SIK2: variants seen among roughly 807,000 people sequenced by gnomAD.
The protein encoded by SIK2 is salt inducible kinase 2.
In SIK2, 29 loss-of-function variants were observed where a neutral mutation model predicts 103.2. The ratio of observed to expected loss-of-function variants is 0.28; its 90% CI spans 0.21 to 0.38. The LOEUF is 0.38. Among genes scored for constraint, SIK2 ranks in the 10% least tolerant of loss-of-function variants. The pLI is 1.00. For missense variants in SIK2, 879 were observed against 1,171.0 expected, an observed-to-expected ratio of 0.75 and a Z score of 3.64; for synonymous variants, 412 against 446.1, an observed-to-expected ratio of 0.92 and a Z score of 0.96.
intron 8 of SIK2, among the ~76,000 whole-genome samples, chr11:111,711,242 C>T (rs1056369201): frequency 6.6e-6 from 1 of 151,984 alleles, no homozygotes; most frequent in Non-Finnish European, 1.5e-5. Context: ...CCTCAGCCTC[C>T]CAAGTAGCTG....
At chr11:111,615,529 G>A (rs1042705263) in intron 1 of SIK2, among the ~76,000 whole-genome samples, 3 of 152,022 alleles carry the variant, frequency 2.0e-5, no homozygotes, top group Non-Finnish European at 4.4e-5. Context: ...AAAAATGTGT[G>A]TAATCATTGA....
intron 3 of SIK2, among the ~76,000 whole-genome samples, chr11:111,651,809 G>C (rs892712058): frequency 1.3e-5 from 2 of 152,180 alleles, no homozygotes; most frequent in African/African-American, 2.4e-5. Flanking sequence ...TTTTGCTACA[G>C]CGTAAGTTGC....
At chr11:111,608,766 A>C (rs1431969073) in intron 1 of SIK2, among the ~76,000 whole-genome samples, 3 of 152,150 alleles carry the variant, frequency 2.0e-5, no homozygotes. Flanking sequence ...ATCCCTCTAC[A>C]TACATCTTTG....
At chr11:111,651,783 A>T (rs1314252047) in intron 3 of SIK2, among the ~76,000 whole-genome samples, 2 of 152,184 alleles carry the variant, frequency 1.3e-5, no homozygotes. Context: ...CTATGGCAAG[A>T]ACTCCATTTT....
At chr11:111,716,361 G>T (rs1382918793) in intron 9 of SIK2, among the ~76,000 whole-genome samples, 2 of 152,038 alleles carry the variant, frequency 1.3e-5, no homozygotes. Flanking sequence ...TGGATCACCT[G>T]AGGTCAGGAG....
chr11:111,685,169 G>T (rs575616014), intron 3 of SIK2, among the ~76,000 whole-genome samples: 56 of 152,338 alleles, frequency 3.7e-4, no homozygotes, highest in African/African-American at 1.3e-3. Context: ...TTCCCAGGTT[G>T]GGGAGGATGA....
At chr11:111,696,021 T>C (rs1246141617) in intron 4 of SIK2, among the ~76,000 whole-genome samples, 3 of 152,228 alleles carry the variant, frequency 2.0e-5, no homozygotes, top group African/African-American at 7.2e-5. Flanking sequence ...ATATCCTTGG[T>C]CTGCTGCGGC....
chr11:111,603,193 C>T lies in SIK2; in HGVS notation c.135+495C>T, dbSNP rs1046595975. ...GGGGATCGTGCGGCCCCCGTGACCC[C>T]GGCGCCCCTCCCCTGCCCGACGAGG... On this transcript the variant is annotated intron_variant, in intron 1 of 14. Transcript: ENST00000304987. 5.9e-5 allele frequency among the ~76,000 whole-genome samples: 9 copies of T among 152,266 alleles called. No individual in the cohort carries two copies. In the South Asian group the frequency reaches 1.2e-3, roughly 21 times the overall value.
chr11:111,675,018 G>A (rs1442085044), intron 3 of SIK2, among the ~76,000 whole-genome samples: 1 of 152,162 alleles, frequency 6.6e-6, no homozygotes, highest in Non-Finnish European at 1.5e-5. Context: ...CCAAAGTGCT[G>A]GGACTACAGG....
chr11:111,605,574 A>C (rs1941639292), intron 1 of SIK2, among the ~76,000 whole-genome samples: 1 of 152,194 alleles, frequency 6.6e-6, no homozygotes, highest in African/African-American at 2.4e-5. Context: ...CATCGATACA[A>C]GTTTGTGTGT....
chr11:111,686,966 A>G (rs1429520134), intron 3 of SIK2, among the ~76,000 whole-genome samples: 3 of 152,352 alleles, frequency 2.0e-5, no homozygotes, highest in Non-Finnish European at 4.4e-5. Context: ...GGTGGTTTGT[A>G]TAATAATTGC....
chr11:111,658,460 C>T (rs1188452480), intron 3 of SIK2, among the ~76,000 whole-genome samples: 3 of 151,796 alleles, frequency 2.0e-5, no homozygotes, highest in Non-Finnish European at 4.4e-5. Context: ...TCGAGAGATA[C>T]GGCCGAGTGC....
chr11:111,712,247 C>A lies in SIK2; in HGVS notation c.1138C>A (p.Pro380Thr). The A allele has an allele frequency of 6.2e-7, 1 of 1,614,210 alleles. No individual in the cohort carries two copies. ...GGGGCTCCCAGTGACCATGCATTCA[C>A]CGAACATGAGGCTGCTGCGATCTGC... is the stretch of plus-strand genomic sequence containing the variant. ...TVGLPVTMHSPNMRLLRSALL... is the reference protein window; with the variant it reads ...TVGLPVTMHSTNMRLLRSALL... The change falls in exon 9 of 15, where the codon CCG (proline) becomes ACG (threonine). Residue 380 changes from proline to threonine, a missense_variant. Around this residue, in one of 7 missense-constraint regions of SIK2, gnomAD observed 222 missense variants for 258.0 expected, o/e 0.86. Transcript: ENST00000304987.
At chr11:111,644,027 C>T (rs1430926833) in intron 3 of SIK2, among the ~76,000 whole-genome samples, 1 of 151,488 alleles carries the variant, frequency 6.6e-6, no homozygotes, top group Non-Finnish European at 1.5e-5. Context: ...GTGGCTAACA[C>T]CTGTAATCCC....
At chr11:111,679,993 G>C (rs995807407) in intron 3 of SIK2, among the ~76,000 whole-genome samples, 2 of 151,956 alleles carry the variant, frequency 1.3e-5, no homozygotes, top group African/African-American at 4.8e-5. Context: ...ATGGTAGCAG[G>C]CACCTGTAAT....
In SIK2 at chr11:111,705,541, C is replaced by T. The variant is rs1000329252; in HGVS notation, c.1101+402C>T. Among the ~76,000 whole-genome samples the T allele has an allele frequency of 4.6e-5, 7 of 152,098 alleles. No individual in the cohort carries two copies. The highest frequency in any genetic ancestry group is 1.0e-4 in the Non-Finnish European group (7 of 68,020). ...AAATGAAATAAGACAAGATCATAAA[C>T]AACCATCATTCAAAATAGGGAAAGA... is the stretch of plus-strand genomic sequence containing the variant. On this transcript the variant is annotated intron_variant, in intron 8 of 14. Transcript: ENST00000304987. This position sits in a 1 kb window ranked among gnomAD's most constrained non-coding sequence, Gnocchi z 4.3.
chr11:111,700,158 T>C (rs1309559688), intron 4 of SIK2, among the ~76,000 whole-genome samples: 1 of 152,242 alleles, frequency 6.6e-6, no homozygotes, highest in Non-Finnish European at 1.5e-5. Context: ...CTAAGTAGTG[T>C]TTCCAGAGTG....
intron 3 of SIK2, among the ~76,000 whole-genome samples, chr11:111,665,799 C>G (rs920274124): frequency 1.3e-5 from 2 of 150,606 alleles, no homozygotes; most frequent in Non-Finnish European, 2.9e-5. Flanking sequence ...GCACTCCAGC[C>G]TGGGCAACAA....
At chr11:111,709,231 A>G (rs947707678) in intron 8 of SIK2, among the ~76,000 whole-genome samples, 1 of 152,170 alleles carries the variant, frequency 6.6e-6, no homozygotes, top group African/African-American at 2.4e-5. Context: ...GTGGAGAGAA[A>G]GATCTCTGGT....
Sources: allele counts gnomAD v4.1 joint callset (sites outside exome capture counted in the v4.1 genomes callset), GRCh38; gene constraint gnomAD v4.1.1; regional missense constraint gnomAD v4.1.1; non-coding constraint Gnocchi (gnomAD v3.1); transcripts MANE v1.5; gene names NCBI Gene and HGNC (gene_info 2026-07-23, HGNC 2026-07-21).